NTRK3: variants seen among roughly 807,000 people sequenced by gnomAD.
The protein encoded by NTRK3 is NT-3 growth factor receptor.
A neutral mutation model predicts 91.7 loss-of-function variants in NTRK3; 24 were observed. The ratio of observed to expected loss-of-function variants is 0.26; its 90% confidence interval spans 0.19 to 0.37. NTRK3 has a LOEUF of 0.37. Among genes scored for constraint, NTRK3 ranks in the 10% least tolerant of loss-of-function variants. NTRK3 has a pLI of 1.00. For synonymous variants in NTRK3, 483 were observed against 404.0 expected, an observed-to-expected ratio of 1.20 and a Z score of -2.34; for missense variants, 880 against 1,068.9, an observed-to-expected ratio of 0.82 and a Z score of 2.46.
At chr15:87,948,839 T>G (rs2070823209) in intron 14 of NTRK3, among the ~76,000 whole-genome samples, 1 of 152,182 alleles carries the variant, frequency 6.6e-6, no homozygotes, top group Admixed American at 6.5e-5. Context: ...TACCTAAGAA[T>G]AAGAACCTGG....
rs57874235 is a variant in NTRK3 at position 88,217,764 on chromosome 15, A to ATTTTTTT, written c.249-33472_249-33466dup. Among the ~76,000 whole-genome samples the ATTTTTTT allele has an allele frequency of 2.7e-4, 39 of 143,792 alleles. 1 individual carries two copies. The highest frequency in any genetic ancestry group is 5.2e-4 in the African/African-American group (20 of 38,538). 94.3% of individuals were successfully genotyped at this position (143,792 alleles called of 152,430 possible). On this transcript the variant is annotated intron_variant, in intron 3 of 18. Transcript: ENST00000394480. ...ATTTTATTATGTGTTTTGTAGCACAATTTTTTTTTTTTGAGGCGGAGTCTC... is the reference window on the plus strand; with the variant it reads ...ATTTTATTATGTGTTTTGTAGCACAATTTTTTTTTTTTTTTTTTTGAGGCGGAGTCTC...
chr15:88,037,192 G>A (rs2079149975), intron 13 of NTRK3, among the ~76,000 whole-genome samples: 1 of 152,158 alleles, frequency 6.6e-6, no homozygotes, highest in Non-Finnish European at 1.5e-5. Flanking sequence ...TAAAATGTGG[G>A]CATTAGAAGG....
At chr15:88,088,892 T>G (rs2048750962) in intron 13 of NTRK3, among the ~76,000 whole-genome samples, 1 of 152,142 alleles carries the variant, frequency 6.6e-6, no homozygotes, top group Non-Finnish European at 1.5e-5. Flanking sequence ...CTCTCTGACC[T>G]TCAGTGTCCC....
chr15:88,086,883 A>G (rs78493378), intron 13 of NTRK3, among the ~76,000 whole-genome samples: 4,018 of 152,184 alleles, frequency 0.026, 171 homozygotes, highest in African/African-American at 0.086. Flanking sequence ...TGAAGGAGGG[A>G]GCTTTTCAGT....
intron 14 of NTRK3, among the ~76,000 whole-genome samples, chr15:87,993,268 C>T (rs1401843017): frequency 6.6e-6 from 1 of 152,132 alleles, no homozygotes; most frequent in Non-Finnish European, 1.5e-5. Flanking sequence ...TCAGTAAAGT[C>T]CACATTCCAG....
chr15:87,923,129 C>A (rs1250951920), intron 17 of NTRK3, among the ~76,000 whole-genome samples: 1 of 152,182 alleles, frequency 6.6e-6, no homozygotes, highest in Non-Finnish European at 1.5e-5. Context: ...TGATTTCCTG[C>A]TGGGATGGAA....
Position 88,136,001 on chromosome 15 carries a change from T to C in NTRK3, c.805A>G (p.Thr269Ala), listed in dbSNP as rs1239415215. 8.7e-6 allele frequency: 14 copies of C among 1,614,210 alleles called. No homozygotes were observed. Among genetic ancestry groups the C allele is most frequent in the Non-Finnish European group, 1.2e-5 (14 of 1,180,038 alleles). The change falls in exon 9 of 19, where the codon ACG (threonine) becomes GCG (alanine). Residue 269 changes from threonine to alanine, a missense_variant. Physicochemically the swap from Thr to Ala is moderately conservative, Grantham distance 58 (BLOSUM62 0). Around this residue, in one of 3 missense-constraint regions of NTRK3, gnomAD observed 743 missense variants for 868.6 expected, o/e 0.86. Coordinates refer to ENST00000394480, the Ensembl canonical transcript of NTRK3. ...TCCTCACTCGTCACATTCACCAGCGTCAAGTTGATGGCATGAACATTGGTC... is the reference window on the plus strand; with the variant it reads ...TCCTCACTCGTCACATTCACCAGCGCCAAGTTGATGGCATGAACATTGGTC...
chr15:88,135,190 T>A (rs750349731), exon 10 of NTRK3: 2 of 1,614,226 alleles, frequency 1.2e-6, no homozygotes, highest in South Asian at 2.2e-5. Context: ...GTTGCCATTG[T>A]TGTAGTGGGT....
chr15:87,945,853 C>A (rs925714660), intron 14 of NTRK3, among the ~76,000 whole-genome samples: 2 of 151,648 alleles, frequency 1.3e-5, no homozygotes, highest in African/African-American at 4.8e-5. Context: ...AAATCCTGAC[C>A]CTCTTACTTA....
At chr15:88,160,985 G>C (rs940496791) in intron 5 of NTRK3, among the ~76,000 whole-genome samples, 1 of 152,124 alleles carries the variant, frequency 6.6e-6, no homozygotes, top group Non-Finnish European at 1.5e-5. Flanking sequence ...AATAATATCA[G>C]CCTTATGGGG....
intron 14 of NTRK3, among the ~76,000 whole-genome samples, chr15:87,950,465 G>A (rs780875028): frequency 1.3e-5 from 2 of 152,122 alleles, no homozygotes; most frequent in African/African-American, 2.4e-5. Flanking sequence ...CAACAGACAC[G>A]AAGAAAAGAA....
chr15:87,914,912 A>G (rs1194166981), intron 17 of NTRK3, among the ~76,000 whole-genome samples: 1 of 152,170 alleles, frequency 6.6e-6, no homozygotes, highest in East Asian at 1.9e-4. Flanking sequence ...TGATGGATTC[A>G]ATTTATTTTT....
rs61276149 is a variant in NTRK3 at position 88,165,856 on chromosome 15, A to AGTGT, written c.395+17558_395+17561dup. On this transcript the variant is annotated intron_variant, in intron 5 of 18. Transcript: ENST00000394480. ...ATGACACTTGGCATGTGTTCACCTGAGTGTGTGTGTGTGTGTGTATGTGCA... is the reference window on the plus strand; with the variant it reads ...ATGACACTTGGCATGTGTTCACCTGAGTGTGTGTGTGTGTGTGTGTGTATGTGCA... Among the ~76,000 whole-genome samples the AGTGT allele has an allele frequency of 9.3e-3, 1,395 of 150,572 alleles. 22 individuals are homozygous for AGTGT. The highest frequency in any genetic ancestry group is 0.038 in the Middle Eastern group (11 of 290).
chr15:88,089,699 C>A (rs1218565482), intron 13 of NTRK3, among the ~76,000 whole-genome samples: 1 of 152,192 alleles, frequency 6.6e-6, no homozygotes, highest in Non-Finnish European at 1.5e-5. Flanking sequence ...TGACTCTGTA[C>A]TCTTGAGCAG....
intron 13 of NTRK3, among the ~76,000 whole-genome samples, chr15:88,112,741 A>G (rs1177019628): frequency 6.6e-6 from 1 of 152,186 alleles, no homozygotes; most frequent in East Asian, 1.9e-4. Flanking sequence ...CAGGGTTCAG[A>G]AAGGTCCAGC....
intron 6 of NTRK3, among the ~76,000 whole-genome samples, chr15:88,143,323 G>T (rs1244611317): frequency 6.6e-6 from 1 of 152,238 alleles, no homozygotes; most frequent in African/African-American, 2.4e-5. Context: ...AAGTGATGCT[G>T]CCACAAGCCA....
At chr15:87,990,283 C>A (rs898596284) in intron 14 of NTRK3, among the ~76,000 whole-genome samples, 2 of 152,156 alleles carry the variant, frequency 1.3e-5, no homozygotes, top group Non-Finnish European at 2.9e-5. Context: ...TTCACTATCC[C>A]CACCCCAAGA....
At chr15:88,165,211 T>C (rs2044822614) in intron 5 of NTRK3, among the ~76,000 whole-genome samples, 1 of 152,206 alleles carries the variant, frequency 6.6e-6, no homozygotes, top group South Asian at 2.1e-4. Flanking sequence ...GAATAATCAC[T>C]AACATTAGGA....
intron 13 of NTRK3, among the ~76,000 whole-genome samples, chr15:88,095,675 G>T (rs1039753315): frequency 1.5e-4 from 23 of 152,170 alleles, no homozygotes; most frequent in African/African-American, 5.3e-4. Flanking sequence ...CCCTCCCCAG[G>T]TTTAGAAGGT....
Sources: allele counts gnomAD v4.1 joint callset (sites outside exome capture counted in the v4.1 genomes callset), GRCh38; gene constraint gnomAD v4.1.1; regional missense constraint gnomAD v4.1.1; transcripts MANE v1.5; gene names NCBI Gene and HGNC (gene_info 2026-07-23, HGNC 2026-07-21).